Variants in ACSBG1 observed in about 807,000 individuals in gnomAD.
ACSBG1 encodes acyl-CoA synthetase bubblegum family member 1.
Under a neutral mutation model 80.2 loss-of-function variants are expected in ACSBG1, and 39 were observed. The ratio of observed to expected loss-of-function variants is 0.49; its 90% CI spans 0.38 to 0.64. The LOEUF is 0.64. Among genes scored for constraint, ACSBG1 ranks in the 30% least tolerant of loss-of-function variants. ACSBG1 has a pLI of 0.00. For synonymous variants in ACSBG1, 392 were observed against 379.5 expected (o/e 1.03, Z -0.38); for missense variants, 828 against 966.4 (o/e 0.86, Z 1.90).
intron 1 of ACSBG1, among the ~76,000 whole-genome samples, chr15:78,218,173 A>G (rs1406954232): frequency 1.3e-5 from 2 of 151,760 alleles, no homozygotes; most frequent in Non-Finnish European, 2.9e-5. Flanking sequence ...ACGGCCTGTA[A>G]GTCCCAGCTC....
intron 2 of ACSBG1, among the ~76,000 whole-genome samples, chr15:78,206,290 T>C (rs928230707): frequency 6.6e-6 from 1 of 152,170 alleles, no homozygotes; most frequent in East Asian, 1.9e-4. Flanking sequence ...TAGAGGGAGC[T>C]TGAGGTTCTG....
At chr15:78,208,895 C>T (rs1255619926) in intron 1 of ACSBG1, among the ~76,000 whole-genome samples, 1 of 152,258 alleles carries the variant, frequency 6.6e-6, no homozygotes, top group East Asian at 1.9e-4. Flanking sequence ...AGACCTCAAC[C>T]TCCTAGATGG....
intron 1 of ACSBG1, among the ~76,000 whole-genome samples, chr15:78,233,653 G>A (rs1163047690): frequency 6.6e-6 from 1 of 152,128 alleles, no homozygotes; most frequent in Non-Finnish European, 1.5e-5. Context: ...GCCCCTCCTG[G>A]ACACAAATCA....
intron 1 of ACSBG1, among the ~76,000 whole-genome samples, chr15:78,208,989 C>T (rs756437163): frequency 2.6e-5 from 4 of 152,228 alleles, no homozygotes; most frequent in African/African-American, 7.2e-5. Context: ...TCAACAACTA[C>T]GTAAACAGAA....
At chr15:78,191,023 C>T (rs76798204) in intron 5 of ACSBG1, among the ~76,000 whole-genome samples, 1,624 of 152,252 alleles carry the variant, frequency 0.011, 25 homozygotes, top group African/African-American at 0.037. Context: ...AAGAAACTCA[C>T]TTTAAATATA....
intron 1 of ACSBG1, among the ~76,000 whole-genome samples, chr15:78,214,365 C>A (rs1411379630): frequency 6.6e-6 from 1 of 152,126 alleles, no homozygotes; most frequent in African/African-American, 2.4e-5. Flanking sequence ...TTGCCTCTGG[C>A]GTGAGTGAGG....
At position 78,177,181 on chromosome 15, in the gene ACSBG1, G is replaced by C. The variant is rs2074890566; in HGVS notation, c.1702+1433C>G. 6.6e-6 allele frequency among the ~76,000 whole-genome samples: 1 copy of C among 152,156 alleles called. No homozygotes were observed. The highest frequency in any genetic ancestry group is 1.5e-5 in the Non-Finnish European group (1 of 68,038). ...AATGAAAATGGCCAAGAATAGCCAA[G>C]GTCATCTTGAAGAAGAAGAAGACCA... On this transcript the variant is annotated intron_variant, in intron 11 of 13. Transcript: ENST00000258873. The surrounding 1 kb of genome is among the most constrained non-coding windows in gnomAD (Gnocchi z 4.1).
chr15:78,203,282 G>A (rs2075184725), intron 2 of ACSBG1, among the ~76,000 whole-genome samples: 1 of 152,146 alleles, frequency 6.6e-6, no homozygotes. Flanking sequence ...AGCCAAGAAC[G>A]GGGCCAGGAC....
rs771925463 is a variant in ACSBG1, at chr15:78,182,759, C to T, written c.690G>A (p.Lys230=). 6.2e-7 allele frequency: 1 copy of T among 1,614,240 alleles called. No homozygotes were observed. The highest frequency in any genetic ancestry group is 1.7e-5 in the Admixed American group (1 of 60,030). ...LKIWKQLPHL[K]AVVIYKEPPP... Reference sequence around the variant, plus strand: ...GAGGTTCTTTATATATCACGACTGCCTTTAGATGTGGCAACTGTTTCCAGA... The same window carrying T: ...GAGGTTCTTTATATATCACGACTGCTTTTAGATGTGGCAACTGTTTCCAGA... The change falls in exon 6 of 14, where the codon AAG becomes AAA. Residue 230 remains lysine (K), a synonymous_variant. Coordinates refer to ENST00000258873, the MANE Select transcript of ACSBG1 (RefSeq NM_015162.5).
intron 1 of ACSBG1, among the ~76,000 whole-genome samples, chr15:78,210,931 C>T (rs1462030032): frequency 6.6e-6 from 1 of 152,172 alleles, no homozygotes. Context: ...AGTTTTTAAT[C>T]CTCTCCTCTG....
At chr15:78,199,311 C>G (rs2075144904) in intron 2 of ACSBG1, among the ~76,000 whole-genome samples, 2 of 151,986 alleles carry the variant, frequency 1.3e-5, no homozygotes, top group South Asian at 2.1e-4. Flanking sequence ...TATCGAACTC[C>G]TGAGTTCAAA....
At chr15:78,185,884 C>G (rs902694373) in intron 5 of ACSBG1, among the ~76,000 whole-genome samples, 2 of 151,978 alleles carry the variant, frequency 1.3e-5, no homozygotes, top group African/African-American at 4.8e-5. Context: ...AAAACCCACC[C>G]TGTGAACCCA....
In ACSBG1 at chr15:78,171,444, T is replaced by C; in HGVS notation, c.2175A>G (p.Ter725=). 6.2e-7 allele frequency: 1 copy of C among 1,613,744 alleles called. No homozygotes were observed. Among genetic ancestry groups the C allele is most frequent in the Non-Finnish European group, 8.5e-7 (1 of 1,179,652 alleles). Residue 725 remains the stop codon, a stop_retained_variant, in exon 14 of 14, where the codon TAA becomes TAG. Transcript: ENST00000258873. The stretch of plus-strand genomic sequence containing the variant: ...TAGAAACTGCAGGCATAGGCCCTGA[T>C]TACATTTTTTGCTCTTGGTAAAAGG... ...IDSFYQEQKM[*] is the part of the protein sequence containing the mutation.
chr15:78,218,789 TGAGACG>T (rs2075333669), intron 1 of ACSBG1, among the ~76,000 whole-genome samples: 21 of 142,878 alleles, frequency 1.5e-4, no homozygotes, highest in African/African-American at 5.2e-4. Context: ...TTTTTTTTTT[TGAGACG>T]GAGTATCGCT....
At chr15:78,182,239 G>C (rs932283685) in intron 7 of ACSBG1, 94 bp from the exon 8 acceptor site, 22 of 1,482,484 alleles carry the variant, frequency 1.5e-5, no homozygotes, top group Non-Finnish European at 1.8e-5. Context: ...CCCCAGTGTG[G>C]TGCCCCCTGT....
intron 1 of ACSBG1, among the ~76,000 whole-genome samples, chr15:78,224,991 C>CA (rs34820253): frequency 6.6e-6 from 1 of 151,414 alleles, no homozygotes; most frequent in East Asian, 1.9e-4. Context: ...AGGGGATCTA[C>CA]AAAAAAAAGT....
Position 78,174,366 on chromosome 15 carries a change from T to C in ACSBG1, c.1842+19A>G, listed in dbSNP as rs752904562. 6.2e-7 allele frequency: 1 copy of C among 1,614,188 alleles called. No individual in the cohort carries two copies. Among genetic ancestry groups the C allele is most frequent in the Admixed American group, 1.7e-5 (1 of 60,016 alleles). ...CCCTCACTGGCTGCTCCTTCTGAGC[T>C]GGAGCCCCCCAGACACACCTTCAAG... is the stretch of plus-strand genomic sequence containing the variant. On this transcript the variant is annotated intron_variant, in intron 12 of 13. Coordinates refer to ENST00000258873, the MANE Select transcript of ACSBG1 (RefSeq NM_015162.5).
intron 7 of ACSBG1, 147 bp from the exon 8 acceptor site, chr15:78,182,292 T>A (rs1411795611): frequency 6.1e-6 from 8 of 1,304,908 alleles, no homozygotes; most frequent in Non-Finnish European, 7.2e-6. Context: ...AGGCCTCCCC[T>A]CCCCCTTGCT....
chr15:78,178,287 T>G lies in ACSBG1; in HGVS notation c.1702+327A>C, dbSNP rs531123757. Among the ~76,000 whole-genome samples the G allele has an allele frequency of 1.8e-4, 27 of 152,208 alleles. No individual in the cohort carries two copies. The highest frequency in any genetic ancestry group is 6.5e-4 in the African/African-American group (27 of 41,548). ...GCAGCTGTCCAGGGCGCTTGCCTTTTTTTGTTTGTTTGTTTTGGTTTTGTT... is the reference window on the plus strand; with the variant it reads ...GCAGCTGTCCAGGGCGCTTGCCTTTGTTTGTTTGTTTGTTTTGGTTTTGTT... On this transcript the variant is annotated intron_variant, in intron 11 of 13. Coordinates refer to ENST00000258873, the MANE Select transcript of ACSBG1 (RefSeq NM_015162.5). The surrounding 1 kb of genome is among the most constrained non-coding windows in gnomAD (Gnocchi z 4.3).
Sources: gnomAD v4.1 joint callset for allele counts (sites outside exome capture counted in the v4.1 genomes callset) on GRCh38, gnomAD v4.1.1 for gene constraint, Gnocchi (gnomAD v3.1) non-coding constraint, MANE v1.5 for transcripts, NCBI Gene and HGNC (gene_info 2026-07-23, HGNC 2026-07-21) for gene names.